PTPRT: variants seen among roughly 807,000 people sequenced by gnomAD.
The protein encoded by PTPRT is receptor-type tyrosine-protein phosphatase T.
In PTPRT, 56 loss-of-function variants were observed where a neutral mutation model predicts 176.8. The observed-to-expected ratio is 0.32, with a 90% CI of 0.26 to 0.40. PTPRT has a LOEUF of 0.40. PTPRT is among the 10% of genes least tolerant of loss of function. The probability of loss-of-function intolerance (pLI) is 1.00; values close to 1 mark genes in which losing one functional copy is unlikely to be tolerated. For synonymous variants in PTPRT, 783 were observed against 739.0 expected, an observed-to-expected ratio of 1.06 and a Z score of -0.96; for missense variants, 1,540 against 1,908.2, an observed-to-expected ratio of 0.81 and a Z score of 3.60.
intron 13 of PTPRT, among the ~76,000 whole-genome samples, chr20:42,261,336 C>A (rs748197145): frequency 3.3e-5 from 5 of 151,278 alleles, no homozygotes; most frequent in African/African-American, 4.9e-5. Context: ...GTAAGGACAC[C>A]GGGCATATTG....
intron 1 of PTPRT, among the ~76,000 whole-genome samples, chr20:43,078,053 T>G (rs1361954854): frequency 6.6e-6 from 1 of 152,232 alleles, no homozygotes; most frequent in East Asian, 1.9e-4. Flanking sequence ...ATTATAATTT[T>G]TACCTTTGCT....
chr20:43,070,280 A>C (rs911934148), intron 1 of PTPRT, among the ~76,000 whole-genome samples: 5 of 152,102 alleles, frequency 3.3e-5, no homozygotes, highest in Admixed American at 1.3e-4. Flanking sequence ...ATGAGATACC[A>C]TCTCACACCA....
rs553568844 is a variant in PTPRT at position 42,998,886 on chromosome 20, C to T, written c.89-112954G>A. Among the ~76,000 whole-genome samples the T allele has an allele frequency of 2.0e-5, 3 of 152,202 alleles. No homozygotes were observed. In the South Asian group the frequency reaches 6.2e-4, roughly 31 times the overall value. ...GGGAGTCCTGGCCTCTATTACCCTCCTCTGCACCCCACTGATGGGGATATT... is the reference window on the plus strand; with the variant it reads ...GGGAGTCCTGGCCTCTATTACCCTCTTCTGCACCCCACTGATGGGGATATT... On this transcript the variant is annotated intron_variant, in intron 1 of 30. Transcript: ENST00000373187.
At chr20:42,037,271 G>A in the PTPRT span, among the ~76,000 whole-genome samples, 2 of 152,220 alleles carry the variant, frequency 1.3e-5, no homozygotes, top group Non-Finnish European at 1.5e-5. Context: ...GGTCATAGGT[G>A]TGAACCTGCT....
At chr20:42,718,654 A>C (rs1350158098) in intron 6 of PTPRT, among the ~76,000 whole-genome samples, 1 of 152,214 alleles carries the variant, frequency 6.6e-6, no homozygotes, top group Non-Finnish European at 1.5e-5. Flanking sequence ...TATTTATATA[A>C]AATTCAAAAA....
At chr20:42,910,450 G>C (rs928872120) in intron 1 of PTPRT, among the ~76,000 whole-genome samples, 5 of 152,180 alleles carry the variant, frequency 3.3e-5, no homozygotes, top group Admixed American at 2.6e-4. Flanking sequence ...AACTATGTAA[G>C]ATAGGGAAAC....
At position 42,079,023 on chromosome 20, in the gene PTPRT, C is replaced by A. The variant is rs969918310; in HGVS notation, c.*1856G>T. Reference sequence around the variant, plus strand: ...CCCTCATGCCCTGTCTGGGGCTAGACCAGCCTTCAAGATGGAGCTTCCTAG... The same window carrying A: ...CCCTCATGCCCTGTCTGGGGCTAGAACAGCCTTCAAGATGGAGCTTCCTAG... On this transcript the variant is annotated 3_prime_UTR_variant, in exon 31 of 31. Coordinates refer to ENST00000373187, the MANE Select transcript of PTPRT (RefSeq NM_007050.6). The A allele has an allele frequency of 1.1e-5, 2 of 179,896 alleles. No individual in the cohort carries two copies. Among genetic ancestry groups the A allele is most frequent in the South Asian group, 2.0e-4 (1 of 5,056 alleles). 11.1% of individuals were successfully genotyped at this position (179,896 alleles called of 1,614,324 possible).
chr20:42,113,031 C>A (rs1276209202), intron 22 of PTPRT, among the ~76,000 whole-genome samples: 1 of 152,170 alleles, frequency 6.6e-6, no homozygotes, highest in African/African-American at 2.4e-5. Flanking sequence ...TCTTCAAGGG[C>A]AGACAGCACT....
Position 42,073,376 on chromosome 20 carries a change from A to C in PTPRT, c.*7503T>G, listed in dbSNP as rs1235138970. 1 of 191,564 alleles carries C rather than the reference A, an allele frequency of 5.2e-6. No homozygotes were observed. Among genetic ancestry groups the C allele is most frequent in the Non-Finnish European group, 1.1e-5 (1 of 91,286 alleles). The allele number at this position is 191,564 out of a possible 1,614,324, so 11.9% of individuals were successfully genotyped here. A position where few individuals can be genotyped will look rare whatever the true frequency, so the allele number is the denominator to read the frequency against. Reference sequence around the variant, plus strand: ...ATCCACCTGGTGATGAAATGTGTGCACTGGAAATGATTATAATCATGTGTA... The same window carrying C: ...ATCCACCTGGTGATGAAATGTGTGCCCTGGAAATGATTATAATCATGTGTA... On this transcript the variant is annotated 3_prime_UTR_variant, in exon 31 of 31. Transcript: ENST00000373187.
At chr20:42,209,940 T>G (rs2055578973) in intron 15 of PTPRT, among the ~76,000 whole-genome samples, 1 of 152,148 alleles carries the variant, frequency 6.6e-6, no homozygotes, top group Non-Finnish European at 1.5e-5. Context: ...ATCAAAAAGC[T>G]TATCCACCAT....
At position 42,972,738 on chromosome 20, in the gene PTPRT, T is replaced by C. The variant is rs534620339; in HGVS notation, c.89-86806A>G. Among the ~76,000 whole-genome samples the C allele has an allele frequency of 3.4e-5, 5 of 145,646 alleles. No homozygotes were observed. In the East Asian group the frequency reaches 1.0e-3, roughly 30 times the overall value. ...TTGAGCTTTATTCTAAAGTGAGCTA[T>C]GAAAATATTTGAGGTTTTAAGCAGG... is the stretch of plus-strand genomic sequence containing the variant. On this transcript the variant is annotated intron_variant, in intron 1 of 30. Transcript: ENST00000373187.
intron 12 of PTPRT, among the ~76,000 whole-genome samples, chr20:42,312,717 A>T (rs1460295696): frequency 6.6e-6 from 1 of 151,996 alleles, no homozygotes; most frequent in Non-Finnish European, 1.5e-5. Context: ...TGTGGAATAG[A>T]AGGCACAGGT....
chr20:42,678,304 T>C, intron 6 of PTPRT, 145 bp from the exon 7 acceptor site: 1 of 807,386 alleles, frequency 1.2e-6, no homozygotes, highest in Non-Finnish European at 1.8e-6. Context: ...TTTATTATTT[T>C]TATTTTATAT....
At chr20:42,802,042 T>C (rs1335162832) in intron 2 of PTPRT, among the ~76,000 whole-genome samples, 1 of 152,196 alleles carries the variant, frequency 6.6e-6, no homozygotes, top group Non-Finnish European at 1.5e-5. Flanking sequence ...ATCAGTATCA[T>C]TTCCCTCTGA....
intron 11 of PTPRT, among the ~76,000 whole-genome samples, chr20:42,337,152 A>C (rs926912331): frequency 6.7e-5 from 10 of 150,360 alleles, no homozygotes; most frequent in Non-Finnish European, 1.2e-4. Context: ...AGATATTTAG[A>C]AGCCCCCCCT....
At chr20:42,573,027 G>A (rs899300872) in intron 7 of PTPRT, among the ~76,000 whole-genome samples, 2 of 145,570 alleles carry the variant, frequency 1.4e-5, no homozygotes, top group Non-Finnish European at 1.5e-5. Context: ...ACCCATGTCT[G>A]TTTTGTTTGC....
At chr20:43,084,780 G>T (rs1235494077) in intron 1 of PTPRT, among the ~76,000 whole-genome samples, 1 of 151,932 alleles carries the variant, frequency 6.6e-6, no homozygotes, top group Non-Finnish European at 1.5e-5. Flanking sequence ...CATATCTTAA[G>T]GGAGAAAAAA....
intron 1 of PTPRT, among the ~76,000 whole-genome samples, chr20:43,090,442 G>A (rs1260710057): frequency 6.6e-6 from 1 of 151,914 alleles, no homozygotes; most frequent in East Asian, 1.9e-4. Context: ...TAATTTTTTT[G>A]TATTTTTAGT....
At chr20:42,125,257 GACAGATAC>G (rs1311845497) in intron 19 of PTPRT, among the ~76,000 whole-genome samples, 1 of 152,170 alleles carries the variant, frequency 6.6e-6, no homozygotes, top group Non-Finnish European at 1.5e-5. Context: ...TTGGGATCAT[GACAGATAC>G]TTTACATCAG....
Sources: allele counts gnomAD v4.1 joint callset (sites outside exome capture counted in the v4.1 genomes callset), GRCh38; gene constraint gnomAD v4.1.1; transcripts MANE v1.5; gene names NCBI Gene and HGNC (gene_info 2026-07-23, HGNC 2026-07-21).